SEMA4B: variants seen among roughly 807,000 people sequenced by gnomAD.
The protein encoded by SEMA4B is semaphorin-4B.
A neutral mutation model predicts 88.1 loss-of-function variants in SEMA4B; 55 were observed. The ratio of observed to expected loss-of-function variants is 0.62; its 90% CI spans 0.50 to 0.78. The LOEUF (loss-of-function observed/expected upper bound fraction) is 0.78. Ranked by LOEUF, SEMA4B falls within the 30% of genes least tolerant of loss-of-function variation. SEMA4B has a pLI of 0.00. For missense variants in SEMA4B, 1,062 were observed against 1,111.9 expected (o/e 0.96, Z 0.64); for synonymous variants, 525 against 473.6 (o/e 1.11, Z -1.41).
chr15:90,203,787 C>T (rs535511050), intron 1 of SEMA4B, among the ~76,000 whole-genome samples: 3 of 152,318 alleles, frequency 2.0e-5, no homozygotes, highest in East Asian at 1.9e-4. Flanking sequence ...CCTAAGAGTC[C>T]TGGAGCAAAA....
intron 1 of SEMA4B, among the ~76,000 whole-genome samples, chr15:90,187,613 ACAG>A (rs1960203029): frequency 6.6e-6 from 1 of 152,176 alleles, no homozygotes; most frequent in Non-Finnish European, 1.5e-5. Flanking sequence ...TTAGTTGAAA[ACAG>A]CAGGATTCTA....
At chr15:90,222,814 G>A (rs1961928258) in intron 7 of SEMA4B, among the ~76,000 whole-genome samples, 1 of 151,572 alleles carries the variant, frequency 6.6e-6, no homozygotes, top group Non-Finnish European at 1.5e-5. Context: ...AAAGCTCTTA[G>A]AAATGTGGTG....
chr15:90,185,661 G>A (rs7171150), intron 1 of SEMA4B, among the ~76,000 whole-genome samples: 68,055 of 152,070 alleles, frequency 0.45, 17,032 homozygotes, highest in East Asian at 0.71. Context: ...CTGTAATATG[G>A]GTATGTTATT....
rs771496244 is a variant in SEMA4B at position 90,217,434 on chromosome 15, C to T, written c.158-5C>T. 8 of 1,611,824 alleles carry T rather than the reference C, an allele frequency of 5.0e-6. No individual in the cohort carries two copies. Among genetic ancestry groups the T allele is most frequent in the Admixed American group, 1.7e-5 (1 of 59,758 alleles). ...CCCAGGTAATACCCATCTTCCTCTC[C>T]CCAGGCTCTGAAGAGCGGCCATTCC... On this transcript the variant is annotated splice_polypyrimidine_tract_variant and splice_region_variant and intron_variant, in intron 1 of 13. Transcript: ENST00000411539.
intron 1 of SEMA4B, chr15:90,214,899 T>C: frequency 9.9e-7 from 1 of 1,007,264 alleles, no homozygotes. Flanking sequence ...TTTCACTACT[T>C]TCTTTTCTTC....
chr15:90,215,743 C>T (rs1040651560), intron 1 of SEMA4B, among the ~76,000 whole-genome samples: 5 of 152,022 alleles, frequency 3.3e-5, no homozygotes, highest in Non-Finnish European at 5.9e-5. Context: ...ACCTGGAAGG[C>T]GGAGGTTGCG....
upstream of SEMA4B, among the ~76,000 whole-genome samples, chr15:90,198,025 C>T (rs1046363249): frequency 6.6e-6 from 1 of 150,776 alleles, no homozygotes; most frequent in Non-Finnish European, 1.5e-5. Flanking sequence ...CTCCCGGGTT[C>T]GCGCCATTCT....
At position 90,227,952 on chromosome 15, in the gene SEMA4B, C is replaced by T; in HGVS notation, c.1823C>T (p.Thr608Ile). The T allele has an allele frequency of 6.2e-7, 1 of 1,613,696 alleles. No homozygotes were observed. The highest frequency in any genetic ancestry group is 8.5e-7 in the Non-Finnish European group (1 of 1,179,858). The change falls in exon 14 of 14, where the codon ACT (threonine) becomes ATT (isoleucine). Residue 608 changes from threonine to isoleucine, a missense_variant. Transcript: ENST00000411539. ...CAGTTCCAGCCCAACACAGTGAACA[C>T]TTTGGCCTGCCCGCTCCTCTCCAAC... The part of the protein sequence containing the change: ...QVQFQPNTVN[T>I]LACPLLSNLA...
At chr15:90,216,112 C>T (rs1176649292) in intron 1 of SEMA4B, among the ~76,000 whole-genome samples, 2 of 151,732 alleles carry the variant, frequency 1.3e-5, no homozygotes, top group Non-Finnish European at 2.9e-5. Flanking sequence ...CCTCAGCCTC[C>T]CGAGTAGCTG....
intron 1 of SEMA4B, among the ~76,000 whole-genome samples, chr15:90,210,721 C>T (rs12901213): frequency 0.28 from 42,464 of 151,932 alleles, 6,707 homozygotes; most frequent in Non-Finnish European, 0.38. Context: ...ACTGGGGGCA[C>T]AGGTACCTAG....
chr15:90,212,742 T>C lies in SEMA4B; in HGVS notation c.158-4697T>C, dbSNP rs1567052631. On this transcript the variant is annotated intron_variant, in intron 1 of 13. Transcript: ENST00000411539. This position sits in a 1 kb window ranked among gnomAD's most constrained non-coding sequence, Gnocchi z 4.0. Reference sequence around the variant, plus strand: ...GAGGTGACCCAAGCACCTGGGCCCTTAGACAGTAACACCACTCACACCGAG... The same window carrying C: ...GAGGTGACCCAAGCACCTGGGCCCTCAGACAGTAACACCACTCACACCGAG... 6.6e-6 allele frequency among the ~76,000 whole-genome samples: 1 copy of C among 152,052 alleles called. No individual in the cohort carries two copies. Among genetic ancestry groups the C allele is most frequent in the African/African-American group, 2.4e-5 (1 of 41,374 alleles).
At chr15:90,225,202 C>G (rs1199878699) in intron 10 of SEMA4B, 24 bp downstream of exon 10, 2 of 1,571,524 alleles carry the variant, frequency 1.3e-6, no homozygotes, top group Non-Finnish European at 1.7e-6. Context: ...GCCCAGCAGG[C>G]TCAGGGGAAG....
intron 1 of SEMA4B, among the ~76,000 whole-genome samples, chr15:90,194,819 C>T (rs749752024): frequency 5.9e-5 from 9 of 152,306 alleles, no homozygotes; most frequent in Non-Finnish European, 1.3e-4. Context: ...TTCTTTCTCT[C>T]TAGTACATGC....
chr15:90,187,744 C>T (rs185933934), intron 1 of SEMA4B, among the ~76,000 whole-genome samples: 33 of 152,266 alleles, frequency 2.2e-4, no homozygotes, highest in Non-Finnish European at 4.7e-4. Flanking sequence ...CAGTGACCCA[C>T]GCCTGTAATC....
At chr15:90,185,655 A>T (rs563700851) in intron 1 of SEMA4B, among the ~76,000 whole-genome samples, 2 of 152,342 alleles carry the variant, frequency 1.3e-5, no homozygotes, top group South Asian at 4.1e-4. Context: ...CCTCACCTGT[A>T]ATATGGGTAT....
chr15:90,189,900 G>T (rs1465381278), intron 1 of SEMA4B, among the ~76,000 whole-genome samples: 1 of 152,346 alleles, frequency 6.6e-6, no homozygotes, highest in East Asian at 1.9e-4. Context: ...TATAGTGAAA[G>T]AACTCAGGCA....
chr15:90,211,207 C>T (rs1266007556), intron 1 of SEMA4B, among the ~76,000 whole-genome samples: 1 of 152,106 alleles, frequency 6.6e-6, no homozygotes. Flanking sequence ...GGCAGGCAGG[C>T]TCCTAAGGTG....
At chr15:90,195,998 C>A (rs532069778) in intron 1 of SEMA4B, among the ~76,000 whole-genome samples, 1 of 147,092 alleles carries the variant, frequency 6.8e-6, no homozygotes, top group African/African-American at 2.5e-5. Context: ...CGGCTCACTG[C>A]GAGCTCTGCC....
chr15:90,204,675 G>C (rs752307654), intron 1 of SEMA4B, among the ~76,000 whole-genome samples: 2 of 152,204 alleles, frequency 1.3e-5, no homozygotes, highest in Non-Finnish European at 2.9e-5. Context: ...ATGGCGCCCA[G>C]TGCTTCCCAG....
Sources: allele counts gnomAD v4.1 joint callset (sites outside exome capture counted in the v4.1 genomes callset), GRCh38; gene constraint gnomAD v4.1.1; non-coding constraint Gnocchi (gnomAD v3.1); transcripts MANE v1.5; gene names NCBI Gene and HGNC (gene_info 2026-07-23, HGNC 2026-07-21).